Variants in FARS2 observed in about 807,000 individuals in gnomAD.
The protein encoded by FARS2 is phenylalanyl-tRNA synthetase 2, mitochondrial.
FARS2 carries 40 observed loss-of-function variants against 46.4 expected under a neutral mutation model. That is an observed-to-expected ratio of 0.86 (90% CI 0.67 to 1.12). The LOEUF (loss-of-function observed/expected upper bound fraction) is 1.12. Among genes scored for constraint, FARS2 ranks in the 50% most tolerant of loss-of-function variants. The probability of loss-of-function intolerance (pLI) is 0.00; values close to 1 mark genes in which losing one functional copy is unlikely to be tolerated. For missense variants in FARS2, 513 were observed against 567.9 expected (o/e 0.90, Z 0.98); for synonymous variants, 234 against 214.9 (o/e 1.09, Z -0.78).
intron 2 of FARS2, among the ~76,000 whole-genome samples, chr6:5,382,026 T>C (rs1222827650): frequency 1.3e-5 from 2 of 152,322 alleles, no homozygotes; most frequent in South Asian, 4.1e-4. Flanking sequence ...GTGGGCAGCA[T>C]GGGTCCTGCG....
rs11243011 is a variant in FARS2, at chr6:5,431,107, A to G, written c.839A>G (p.Asn280Ser). Residue 280 changes from asparagine to serine, a missense_variant, in exon 4 of 7, where the codon AAC becomes AGC. Physicochemically the swap from Asn to Ser is conservative, Grantham distance 46 (BLOSUM62 1). Coordinates refer to ENST00000274680, the MANE Select transcript of FARS2 (RefSeq NM_006567.5). ...FTHPSFEMEI[N>S]FHGEWLEVLG... ...CATCCTTCCTTTGAGATGGAGATCA[A>G]CTTTCATGGAGAATGGCTGGAAGTT... 308,230 of 1,613,374 alleles carry G rather than the reference A, an allele frequency of 0.19. 32,055 individuals carry two copies. Among genetic ancestry groups the G allele is most frequent in the East Asian group, 0.4 (17,868 of 44,846 alleles).
In FARS2 at chr6:5,527,072, A is replaced by AGAT. The variant is rs532663100; in HGVS notation, c.905-18107_905-18106insATG. 7.2e-5 allele frequency among the ~76,000 whole-genome samples: 11 copies of AGAT among 152,364 alleles called. No homozygotes were observed. In the East Asian group the frequency reaches 2.1e-3, roughly 29 times the overall value. Reference sequence around the variant, plus strand: ...ATCAGACAGTCTTCTTAATGTATACAGTATTATATAGATATACATAAAAGT... The same window carrying AGAT: ...ATCAGACAGTCTTCTTAATGTATACAGATGTATTATATAGATATACATAAAAGT... On this transcript the variant is annotated intron_variant, in intron 4 of 6. Coordinates refer to ENST00000274680, the MANE Select transcript of FARS2 (RefSeq NM_006567.5).
Position 5,317,587 on chromosome 6 carries a change from C to A in FARS2, c.-21-50963C>A, listed in dbSNP as rs147877820. On this transcript the variant is annotated intron_variant, in intron 1 of 6. Transcript: ENST00000274680. Reference sequence around the variant, plus strand: ...TCTGAGCCCAGGAGCTTGAGACCAGCCTGGGCAACATGGCAAAACCCCATC... The same window carrying A: ...TCTGAGCCCAGGAGCTTGAGACCAGACTGGGCAACATGGCAAAACCCCATC... Among the ~76,000 whole-genome samples, 6 of 151,704 alleles carry A rather than the reference C, an allele frequency of 4.0e-5. No individual in the cohort carries two copies. In the East Asian group the frequency reaches 7.8e-4, roughly 20 times the overall value.
Position 5,561,462 on chromosome 6 carries a change from T to C in FARS2, c.1065+16122T>C, listed in dbSNP as rs571232794. On this transcript the variant is annotated intron_variant, in intron 5 of 6. Transcript: ENST00000274680. ...AACAAGGCATAACATTCTGGAAAGG[T>C]AGTCATTCTCCCTTAGCTCTTTGAA... Among the ~76,000 whole-genome samples, 318 of 152,266 alleles carry C rather than the reference T, an allele frequency of 2.1e-3. 3 individuals carry two copies. Among genetic ancestry groups the C allele is most frequent in the African/African-American group, 7.3e-3 (304 of 41,530 alleles).
At chr6:5,429,655 A>G (rs13210571) in intron 3 of FARS2, among the ~76,000 whole-genome samples, 23,952 of 152,096 alleles carry the variant, frequency 0.16, 2,548 homozygotes, top group East Asian at 0.46. Flanking sequence ...TAAAAAAAGT[A>G]GAGAAATTAG....
At chr6:5,260,966 G>A (rs1447434579), upstream of FARS2, 1 of 1,279,904 alleles carries the variant, frequency 7.8e-7, no homozygotes, top group Admixed American at 4.1e-5. Context: ...AGCTAAGGGG[G>A]CGGTGCTGGG....
At chr6:5,769,917 G>A (rs776534805) in intron 6 of FARS2, among the ~76,000 whole-genome samples, 2 of 152,150 alleles carry the variant, frequency 1.3e-5, no homozygotes, top group Non-Finnish European at 2.9e-5. Flanking sequence ...GGACAAAGAT[G>A]ACCAAGCCAG....
intron 4 of FARS2, among the ~76,000 whole-genome samples, chr6:5,444,092 CGTGTGTGTGTGT>C (rs35213574): frequency 1.4e-4 from 21 of 146,312 alleles, no homozygotes; most frequent in African/African-American, 2.8e-4. Context: ...GGAAGATCCT[CGTGTGTGTGTGT>C]GTGTGTGTGT....
intron 2 of FARS2, among the ~76,000 whole-genome samples, chr6:5,399,709 T>C (rs1418585736): frequency 6.6e-6 from 1 of 152,178 alleles, no homozygotes; most frequent in Non-Finnish European, 1.5e-5. Flanking sequence ...ATTTCTTACA[T>C]GAAAGGTAGC....
intron 4 of FARS2, among the ~76,000 whole-genome samples, chr6:5,482,175 C>T (rs921807472): frequency 2.0e-5 from 3 of 151,900 alleles, no homozygotes; most frequent in Admixed American, 2.0e-4. Flanking sequence ...ATAAATGCCA[C>T]ATTTCAAAAA....
intron 6 of FARS2, among the ~76,000 whole-genome samples, chr6:5,688,523 A>C (rs1342774091): frequency 6.6e-6 from 1 of 152,162 alleles, no homozygotes; most frequent in Non-Finnish European, 1.5e-5. Flanking sequence ...GCGTATGTTG[A>C]AGCAGCCTTG....
chr6:5,610,196 C>T (rs1318263006), intron 5 of FARS2: 8 of 624,894 alleles, frequency 1.3e-5, no homozygotes. Context: ...CTGACTTAGA[C>T]AGGACGGCAG....
At chr6:5,291,629 T>G (rs2127514756) in intron 1 of FARS2, among the ~76,000 whole-genome samples, 1 of 152,194 alleles carries the variant, frequency 6.6e-6, no homozygotes, top group Admixed American at 6.5e-5. Flanking sequence ...AATAGCTGAG[T>G]GTGTTGGCAT....
chr6:5,716,906 C>T (rs1291393237), intron 6 of FARS2, among the ~76,000 whole-genome samples: 8 of 152,340 alleles, frequency 5.3e-5, no homozygotes, highest in Admixed American at 5.2e-4. Context: ...CTCTATACAC[C>T]GTTCTCCCAA....
intron 4 of FARS2, among the ~76,000 whole-genome samples, chr6:5,524,821 A>T (rs988823067): frequency 6.6e-6 from 1 of 152,124 alleles, no homozygotes; most frequent in African/African-American, 2.4e-5. Flanking sequence ...TACTCTTTCG[A>T]TAGGTGAATA....
chr6:5,428,506 T>C (rs1450563227), intron 3 of FARS2, among the ~76,000 whole-genome samples: 4 of 152,208 alleles, frequency 2.6e-5, no homozygotes, highest in African/African-American at 9.6e-5. Flanking sequence ...ACACAAAATA[T>C]ATTGTTCCAA....
At chr6:5,688,987 A>C (rs946259101) in intron 6 of FARS2, among the ~76,000 whole-genome samples, 8 of 151,712 alleles carry the variant, frequency 5.3e-5, no homozygotes, top group South Asian at 2.1e-4. Flanking sequence ...GTTTATTTGC[A>C]TAGAGGTGTT....
chr6:5,460,379 G>A (rs9504399), intron 4 of FARS2, among the ~76,000 whole-genome samples: 5,007 of 152,216 alleles, frequency 0.033, 116 homozygotes, highest in East Asian at 0.092. Flanking sequence ...ATGTTTTTCA[G>A]GCGTTCAGTT....
rs149335265 is a variant in FARS2 at position 5,264,387 on chromosome 6, A to G, written c.-22+2727A>G. ...GAAGACCTTAGATATCAACTCATTCATTTGTACAGATGAACAAACTGAAGA... is the reference window on the plus strand; with the variant it reads ...GAAGACCTTAGATATCAACTCATTCGTTTGTACAGATGAACAAACTGAAGA... On this transcript the variant is annotated intron_variant, in intron 1 of 6. Transcript: ENST00000274680. 4.4e-3 allele frequency among the ~76,000 whole-genome samples: 675 copies of G among 152,290 alleles called. 2 individuals are homozygous for G. Among genetic ancestry groups the G allele is most frequent in the African/African-American group, 0.015 (638 of 41,556 alleles).
Sources: gnomAD v4.1 joint callset for allele counts (sites outside exome capture counted in the v4.1 genomes callset) on GRCh38, gnomAD v4.1.1 for gene constraint, MANE v1.5 for transcripts, NCBI Gene and HGNC (gene_info 2026-07-23, HGNC 2026-07-21) for gene names.